The following KAZN variants were observed in gnomAD, a reference collection of about 807,000 sequenced individuals.
The protein encoded by KAZN is kazrin.
A neutral mutation model predicts 87.4 loss-of-function variants in KAZN; 40 were observed. The ratio of observed to expected loss-of-function variants is 0.46; its 90% confidence interval spans 0.36 to 0.60. KAZN has a LOEUF of 0.60. Among genes scored for constraint, KAZN ranks in the 20% least tolerant of loss-of-function variants. KAZN has a pLI of 0.00. For missense variants in KAZN, 898 were observed against 1,073.9 expected (o/e 0.84, Z 2.29); for synonymous variants, 466 against 458.3 (o/e 1.02, Z -0.22).
At chr1:15,013,582 C>T (rs964983828) in intron 2 of KAZN, among the ~76,000 whole-genome samples, 2 of 151,864 alleles carry the variant, frequency 1.3e-5, no homozygotes, top group African/African-American at 2.4e-5. Context: ...GGTGAAACCC[C>T]GTCTCTATTA....
intron 1 of KAZN, among the ~76,000 whole-genome samples, chr1:14,775,850 C>A (rs1645160832): frequency 6.6e-6 from 1 of 152,168 alleles, no homozygotes; most frequent in Non-Finnish European, 1.5e-5. Flanking sequence ...AAGGGAGGGT[C>A]CGGGCCACCG....
chr1:13,939,268 C>A (rs1259601464), intron 1 of KAZN, among the ~76,000 whole-genome samples: 1 of 152,188 alleles, frequency 6.6e-6, no homozygotes, highest in Non-Finnish European at 1.5e-5. Flanking sequence ...TTTGCTCCTG[C>A]ATCTGAGTGT....
At chr1:14,329,967 C>A (rs1386020810) in intron 2 of KAZN, among the ~76,000 whole-genome samples, 1 of 152,208 alleles carries the variant, frequency 6.6e-6, no homozygotes, top group East Asian at 1.9e-4. Flanking sequence ...CTAACACTTT[C>A]TAAAGCTTTT....
At chr1:13,977,090 G>T (rs1557758134) in intron 1 of KAZN, among the ~76,000 whole-genome samples, 1 of 152,150 alleles carries the variant, frequency 6.6e-6, no homozygotes, top group South Asian at 2.1e-4. Context: ...CCCCATTGTT[G>T]GTGAGGATCA....
intron 1 of KAZN, among the ~76,000 whole-genome samples, chr1:14,069,906 C>T (rs1449573492): frequency 1.3e-5 from 2 of 152,000 alleles, no homozygotes; most frequent in Non-Finnish European, 2.9e-5. Context: ...TGCGGTGGCT[C>T]ACGCCTGTAA....
chr1:14,488,723 T>C (rs1283546474), intron 2 of KAZN, among the ~76,000 whole-genome samples: 1 of 152,202 alleles, frequency 6.6e-6, no homozygotes, highest in African/African-American at 2.4e-5. Flanking sequence ...ACTTCCTCCA[T>C]GGCATTGTAA....
intron 1 of KAZN, among the ~76,000 whole-genome samples, chr1:14,846,505 C>T (rs956695649): frequency 6.6e-6 from 1 of 151,694 alleles, no homozygotes; most frequent in Non-Finnish European, 1.5e-5. Flanking sequence ...TATTAAAAAA[C>T]AAAAACAAAA....
chr1:14,985,790 T>C (rs1223646316), intron 2 of KAZN, among the ~76,000 whole-genome samples: 1 of 151,270 alleles, frequency 6.6e-6, no homozygotes, highest in Admixed American at 6.6e-5. Context: ...GATCATGAGG[T>C]CAAGAGTTCA....
intron 1 of KAZN, among the ~76,000 whole-genome samples, chr1:14,139,056 A>C (rs1645174657): frequency 6.6e-6 from 1 of 152,326 alleles, no homozygotes; most frequent in South Asian, 2.1e-4. Context: ...CATTCTTCAT[A>C]GTAGTTGCCC....
chr1:14,062,148 A>G (rs1642819594), intron 1 of KAZN, among the ~76,000 whole-genome samples: 1 of 152,150 alleles, frequency 6.6e-6, no homozygotes. Flanking sequence ...ACCAAATAAT[A>G]AGAAGATGTG....
At chr1:13,929,063 T>A (rs1640402121) in intron 1 of KAZN, among the ~76,000 whole-genome samples, 1 of 150,062 alleles carries the variant, frequency 6.7e-6, no homozygotes, top group African/African-American at 2.5e-5. Context: ...TTTTTTTTTT[T>A]TTTTTTTAAG....
rs554683349 is a variant in KAZN, at chr1:13,998,695, A to G, written c.91+104939A>G. On this transcript the variant is annotated intron_variant, in intron 1 of 16. Coordinates refer to the KAZN transcript ENST00000636203. ...TTCTAAATATATATGCACCCAATAC[A>G]GAAGCACCCAGATTCATAAAACAAG... Among the ~76,000 whole-genome samples the G allele has an allele frequency of 2.8e-4, 42 of 152,336 alleles. 1 individual carries two copies. Among genetic ancestry groups the G allele is most frequent in the African/African-American group, 9.6e-4 (40 of 41,566 alleles).
intron 1 of KAZN, among the ~76,000 whole-genome samples, chr1:14,702,469 C>T (rs1261896097): frequency 1.3e-5 from 2 of 152,026 alleles, no homozygotes; most frequent in African/African-American, 4.8e-5. Context: ...CCAAGATCCC[C>T]TCCACCACCA....
chr1:14,921,119 C>T (rs892908009), intron 1 of KAZN, among the ~76,000 whole-genome samples: 2 of 151,264 alleles, frequency 1.3e-5, no homozygotes, highest in Non-Finnish European at 2.9e-5. Flanking sequence ...AAGCTGGACC[C>T]CACTGCCATC....
intron 1 of KAZN, among the ~76,000 whole-genome samples, chr1:14,852,700 T>G (rs371129315): frequency 1.3e-5 from 2 of 152,196 alleles, no homozygotes; most frequent in African/African-American, 4.8e-5. Flanking sequence ...GACTTTGAAA[T>G]GGGGCAAGAG....
chr1:13,950,132 A>C (rs568105307), intron 1 of KAZN, among the ~76,000 whole-genome samples: 1 of 152,196 alleles, frequency 6.6e-6, no homozygotes, highest in East Asian at 1.9e-4. Flanking sequence ...CCTTTGCTTC[A>C]TGCACCTGCT....
intron 2 of KAZN, among the ~76,000 whole-genome samples, chr1:14,291,868 T>G (rs1345847678): frequency 5.3e-5 from 8 of 152,220 alleles, no homozygotes; most frequent in Non-Finnish European, 8.8e-5. Context: ...CCCCTGTGCT[T>G]GGCAGTTCTC....
In KAZN at chr1:15,114,998, G is replaced by A. The variant is rs705581; in HGVS notation, c.*363G>A. On this transcript the variant is annotated 3_prime_UTR_variant, in exon 15 of 15. Transcript: ENST00000376030. The stretch of plus-strand genomic sequence containing the variant: ...CTTAAACGGAGCTGCCAAGGTGGGA[G>A]GAGGCCCACAGTTCCCTAAAACACC... 106,434 of 168,548 alleles carry A rather than the reference G, an allele frequency of 0.63. 33,690 individuals carry two copies. Among genetic ancestry groups the A allele is most frequent in the East Asian group, 0.74 (4,606 of 6,234 alleles). The allele number at this position is 168,548 out of a possible 1,614,324, so 10.4% of individuals were successfully genotyped here.
At chr1:14,727,464 T>C (rs1191073785) in intron 1 of KAZN, among the ~76,000 whole-genome samples, 2 of 27,124 alleles carry the variant, frequency 7.4e-5, no homozygotes, top group Middle Eastern at 0.013. Flanking sequence ...TTTTTTTTTT[T>C]TTTTTTTTTT....
Sources: gnomAD v4.1 joint callset for allele counts (sites outside exome capture counted in the v4.1 genomes callset) on GRCh38, gnomAD v4.1.1 for gene constraint, MANE v1.5 for transcripts, NCBI Gene and HGNC (gene_info 2026-07-23, HGNC 2026-07-21) for gene names.